C8orf76: variants seen among roughly 807,000 people sequenced by gnomAD.
The protein encoded by C8orf76 is chromosome 8 open reading frame 76, also known as uncharacterized protein C8orf76.
In C8orf76, 46 loss-of-function variants were observed where a neutral mutation model predicts 38.1. The observed-to-expected ratio is 1.21, with a 90% CI of 0.95 to 1.54. The LOEUF (loss-of-function observed/expected upper bound fraction) is 1.54, where lower values mean the gene tolerates loss of function less well. Ranked by LOEUF, C8orf76 falls within the 40% of genes most tolerant of loss-of-function variation. The pLI is 0.00. For synonymous variants in C8orf76, 166 were observed against 167.5 expected, an observed-to-expected ratio of 0.99 and a Z score of 0.07; for missense variants, 461 against 441.6, an observed-to-expected ratio of 1.04 and a Z score of -0.39.
chr8:123,221,957 T>C (rs1238235785), intron 5 of C8orf76, among the ~76,000 whole-genome samples: 1 of 152,162 alleles, frequency 6.6e-6, no homozygotes, highest in Non-Finnish European at 1.5e-5. Context: ...AGTGAGGCTC[T>C]ATGTGATAGT....
chr8:123,230,771 T>C (rs2131146277), intron 4 of C8orf76, among the ~76,000 whole-genome samples: 1 of 152,062 alleles, frequency 6.6e-6, no homozygotes, highest in African/African-American at 2.4e-5. Context: ...TGCCTCAGCC[T>C]CCTGAGTAGC....
intron 2 of C8orf76, chr8:123,238,686 G>A (rs554629868): frequency 4.2e-5 from 7 of 165,972 alleles, no homozygotes; most frequent in South Asian, 3.4e-4. Flanking sequence ...CATATGTAAC[G>A]CAATCTAACA....
intron 5 of C8orf76, among the ~76,000 whole-genome samples, chr8:123,225,473 TGTG>T (rs1228952639): frequency 1.3e-5 from 2 of 151,492 alleles, no homozygotes; most frequent in Non-Finnish European, 2.9e-5. Flanking sequence ...AACCTAGGGG[TGTG>T]GTGATGATTT....
chr8:123,234,776 AAAAAAC>A (rs200915547), intron 3 of C8orf76, among the ~76,000 whole-genome samples: 9 of 151,490 alleles, frequency 5.9e-5, no homozygotes, highest in South Asian at 4.2e-4. Flanking sequence ...CTAAAAAACA[AAAAAAC>A]AAAAACAAAA....
intron 2 of C8orf76, 120 bp from the exon 3 acceptor site, chr8:123,238,061 T>C (rs1225747198): frequency 8.8e-7 from 1 of 1,142,554 alleles, no homozygotes; most frequent in African/African-American, 1.6e-5. Flanking sequence ...ACCAATGAAT[T>C]ACATGAATAT....
chr8:123,237,648 A>T, intron 3 of C8orf76, 150 bp downstream of exon 3: 1 of 1,158,066 alleles, frequency 8.6e-7, no homozygotes, highest in Admixed American at 3.4e-5. Flanking sequence ...GTTCATCATA[A>T]TAAAACTCTC....
chr8:123,229,238 T>C (rs1462856414), intron 4 of C8orf76, among the ~76,000 whole-genome samples: 1 of 152,206 alleles, frequency 6.6e-6, no homozygotes, highest in African/African-American at 2.4e-5. Flanking sequence ...GCTGAAAGAA[T>C]ACAGGGTCTG....
intron 4 of C8orf76, among the ~76,000 whole-genome samples, chr8:123,230,633 G>A (rs894755364): frequency 3.3e-5 from 5 of 150,286 alleles, no homozygotes; most frequent in African/African-American, 1.2e-4. Flanking sequence ...CTACAGGCAC[G>A]CACCACCATG....
At chr8:123,229,414 C>A (rs1358383752) in intron 4 of C8orf76, among the ~76,000 whole-genome samples, 1 of 152,200 alleles carries the variant, frequency 6.6e-6, no homozygotes, top group East Asian at 1.9e-4. Context: ...ACTCAGTCAA[C>A]TGACAAGGGT....
intron 3 of C8orf76, chr8:123,236,957 C>T: frequency 6.5e-7 from 1 of 1,546,422 alleles, no homozygotes; most frequent in East Asian, 2.3e-5. Context: ...TGACCAGCAG[C>T]GTCTGATACT....
intron 3 of C8orf76, chr8:123,237,130 C>T (rs1001996583): frequency 1.2e-6 from 1 of 849,008 alleles, no homozygotes; most frequent in South Asian, 1.4e-5. Flanking sequence ...GCCGCAAGTG[C>T]TGTGCCCGCC....
intron 1 of C8orf76, chr8:123,239,728 C>A (rs540979929): frequency 6.6e-6 from 1 of 152,002 alleles, no homozygotes; most frequent in South Asian, 2.1e-4. Context: ...GTGGCTTACA[C>A]CTGTAATCCC....
At chr8:123,226,383 G>A in intron 5 of C8orf76, 117 bp downstream of exon 5, 1 of 1,515,616 alleles carries the variant, frequency 6.6e-7, no homozygotes, top group Non-Finnish European at 8.8e-7. Flanking sequence ...GCACACAGAG[G>A]AGGGAGACAA....
rs184078509 is a variant in C8orf76, at chr8:123,221,922, A to T, written c.949-1625T>A. ...AGACCCCACCTCCAAAAAAAATTTT[A>T]AAAAATGTATTTGATAACCACTGGA... On this transcript the variant is annotated intron_variant, in intron 5 of 5. Transcript: ENST00000276704. Among the ~76,000 whole-genome samples, 256 of 152,262 alleles carry T rather than the reference A, an allele frequency of 1.7e-3. 1 individual carries two copies. Among genetic ancestry groups the T allele is most frequent in the African/African-American group, 5.9e-3 (244 of 41,558 alleles).
At chr8:123,228,973 C>T (rs562910290) in intron 4 of C8orf76, among the ~76,000 whole-genome samples, 1 of 152,230 alleles carries the variant, frequency 6.6e-6, no homozygotes, top group Non-Finnish European at 1.5e-5. Flanking sequence ...TCAGGTTCAT[C>T]CACTTAGCAT....
Position 123,223,664 on chromosome 8 carries a change from T to C in C8orf76, c.948+2836A>G, listed in dbSNP as rs972501561. Among the ~76,000 whole-genome samples, 62 of 152,318 alleles carry C rather than the reference T, an allele frequency of 4.1e-4. 1 individual carries two copies. The highest frequency in any genetic ancestry group is 1.1e-3 in the African/African-American group (45 of 41,578). On this transcript the variant is annotated intron_variant, in intron 5 of 5. Coordinates refer to ENST00000276704, the MANE Select transcript of C8orf76 (RefSeq NM_032847.3). ...AAACATACTTATATGCTAATGTTCA[T>C]AGCAGCATTATTCACAATATCCAAA...
chr8:123,240,875 G>C (rs1025169412), intron 1 of C8orf76, among the ~76,000 whole-genome samples: 1 of 152,224 alleles, frequency 6.6e-6, no homozygotes, highest in Non-Finnish European at 1.5e-5. Flanking sequence ...GGGTTTGCCG[G>C]AGGTCACCGT....
At chr8:123,225,792 G>A (rs1432467012) in intron 5 of C8orf76, among the ~76,000 whole-genome samples, 1 of 152,082 alleles carries the variant, frequency 6.6e-6, no homozygotes, top group East Asian at 1.9e-4. Context: ...GGGCGTGGTG[G>A]CACATGCCTG....
chr8:123,231,526 T>C lies in C8orf76; in HGVS notation c.589A>G (p.Ser197Gly), dbSNP rs1825270326. 3 of 1,614,234 alleles carry C rather than the reference T, an allele frequency of 1.9e-6. No individual in the cohort carries two copies. The highest frequency in any genetic ancestry group is 2.5e-6 in the Non-Finnish European group (3 of 1,180,046). ...SSQKQHSFTS[S>G]DKTIKSFFPH... The stretch of plus-strand genomic sequence containing the variant: ...AAGAAGGATTTGATAGTTTTGTCAC[T>C]TGAGGTGAAACTGTGCTGTTTCTGA... The change falls in exon 4 of 6, where the codon AGT becomes GGT. Residue 197 changes from serine (S) to glycine (G), a missense_variant. Ser to Gly is a moderately conservative substitution (Grantham distance 56, BLOSUM62 0). Coordinates refer to ENST00000276704, the MANE Select transcript of C8orf76 (RefSeq NM_032847.3).
Sources: allele counts gnomAD v4.1 joint callset (sites outside exome capture counted in the v4.1 genomes callset), GRCh38; gene constraint gnomAD v4.1.1; transcripts MANE v1.5; gene names NCBI Gene and HGNC (gene_info 2026-07-23, HGNC 2026-07-21).